Variants in EVI5 observed in about 807,000 individuals in gnomAD.
EVI5 encodes the protein ecotropic viral integration site 5, also known as ecotropic viral integration site 5 protein homolog.
A neutral mutation model predicts 112.0 loss-of-function variants in EVI5; 73 were observed. The observed-to-expected ratio is 0.65, with a 90% CI of 0.54 to 0.79. The LOEUF is 0.79. Ranked by LOEUF, EVI5 falls within the 30% of genes least tolerant of loss-of-function variation. The pLI is 0.00. For missense variants in EVI5, 900 were observed against 968.8 expected, an observed-to-expected ratio of 0.93 and a Z score of 0.94; for synonymous variants, 305 against 319.9, an observed-to-expected ratio of 0.95 and a Z score of 0.50.
intron 1 of EVI5, among the ~76,000 whole-genome samples, chr1:92,759,633 C>T (rs1453211597): frequency 6.6e-6 from 1 of 152,156 alleles, no homozygotes; most frequent in Non-Finnish European, 1.5e-5. Context: ...TCTTGCATCC[C>T]TGGGTAAACT....
chr1:92,646,880 A>G (rs1268630032), intron 13 of EVI5, among the ~76,000 whole-genome samples: 1 of 152,186 alleles, frequency 6.6e-6, no homozygotes, highest in Non-Finnish European at 1.5e-5. Flanking sequence ...TAAACCACTG[A>G]CAATTTTTAG....
chr1:92,575,264 C>A (rs1571636942), intron 18 of EVI5, among the ~76,000 whole-genome samples: 1 of 152,184 alleles, frequency 6.6e-6, no homozygotes, highest in African/African-American at 2.4e-5. Context: ...TGTGTGCACA[C>A]ACACAGATTT....
upstream of EVI5, among the ~76,000 whole-genome samples, chr1:92,786,238 A>AGG (rs1685628707): frequency 2.2e-5 from 3 of 138,222 alleles, no homozygotes; most frequent in South Asian, 2.3e-4. Flanking sequence ...CATTTCAGAA[A>AGG]AAAAAAAAAA....
In EVI5 at chr1:92,773,268, G is replaced by T. The variant is rs563846944; in HGVS notation, c.-82+11568C>A. Reference sequence around the variant, plus strand: ...AAATAGGAGATAGGACAAATAAACTGTATTATATTCATACAATGTATTAAT... The same window carrying T: ...AAATAGGAGATAGGACAAATAAACTTTATTATATTCATACAATGTATTAAT... On this transcript the variant is annotated intron_variant, in intron 1 of 19. Coordinates refer to ENST00000684568, the MANE Select transcript of EVI5 (RefSeq NM_001350197.2). Among the ~76,000 whole-genome samples the T allele has an allele frequency of 6.7e-4, 101 of 151,466 alleles. 1 individual carries two copies. Among genetic ancestry groups the T allele is most frequent in the Non-Finnish European group, 1.1e-3 (75 of 67,916 alleles).
intron 1 of EVI5, among the ~76,000 whole-genome samples, chr1:92,751,712 G>A (rs940777439): frequency 6.7e-6 from 1 of 149,860 alleles, no homozygotes; most frequent in Non-Finnish European, 1.5e-5. Context: ...TAAACTCTTA[G>A]ATTACAAATA....
At chr1:92,589,382 C>A (rs866167007) in intron 18 of EVI5, among the ~76,000 whole-genome samples, 4 of 152,128 alleles carry the variant, frequency 2.6e-5, no homozygotes, top group Non-Finnish European at 5.9e-5. Flanking sequence ...AAAGGGGTGA[C>A]AGATGGCACG....
At chr1:92,566,399 G>A (rs1433072824) in intron 18 of EVI5, among the ~76,000 whole-genome samples, 1 of 152,148 alleles carries the variant, frequency 6.6e-6, no homozygotes, top group Non-Finnish European at 1.5e-5. Flanking sequence ...CATTGTAGTT[G>A]TACAATGTCA....
intron 18 of EVI5, among the ~76,000 whole-genome samples, chr1:92,567,754 A>G (rs765502594): frequency 6.6e-6 from 1 of 152,228 alleles, no homozygotes; most frequent in African/African-American, 2.4e-5. Flanking sequence ...ATATTTACAC[A>G]TACTAATATC....
Position 92,657,056 on chromosome 1 carries a change from C to T in EVI5, c.1392+5663G>A, listed in dbSNP as rs1333043077. Among the ~76,000 whole-genome samples, 18 of 152,042 alleles carry T rather than the reference C, an allele frequency of 1.2e-4. No homozygotes were observed. The East Asian group carries it at 3.3e-3, about 28-fold the overall frequency. ...CTATGAAGCCGGCATCACCGTGATA[C>T]CAGGGAAGGACCCACAAAAATAACA... On this transcript the variant is annotated intron_variant, in intron 13 of 19. Coordinates refer to ENST00000684568, the MANE Select transcript of EVI5 (RefSeq NM_001350197.2).
chr1:92,638,693 C>T (rs556591511), intron 13 of EVI5, among the ~76,000 whole-genome samples: 3 of 152,212 alleles, frequency 2.0e-5, no homozygotes, highest in African/African-American at 4.8e-5. Flanking sequence ...CTCCTTTAAC[C>T]TTCACCACAA....
chr1:92,609,148 C>T (rs551761251), intron 16 of EVI5, among the ~76,000 whole-genome samples: 1 of 152,258 alleles, frequency 6.6e-6, no homozygotes, highest in East Asian at 1.9e-4. Context: ...CTATCAGAGG[C>T]CTGAAAGAAA....
At chr1:92,749,256 G>T in intron 1 of EVI5, 1 of 338,202 alleles carries the variant, frequency 3.0e-6, no homozygotes, top group Non-Finnish European at 5.9e-6. Flanking sequence ...TTTTACCACT[G>T]GTGCATCTGC....
intron 5 of EVI5, among the ~76,000 whole-genome samples, chr1:92,701,251 T>A (rs531744516): frequency 6.6e-6 from 1 of 152,324 alleles, no homozygotes; most frequent in East Asian, 1.9e-4. Context: ...TCTACCAGGA[T>A]GTGTGATCTT....
chr1:92,660,845 ATTTGT>A (rs1663874233), intron 13 of EVI5, among the ~76,000 whole-genome samples: 1 of 151,998 alleles, frequency 6.6e-6, no homozygotes. Flanking sequence ...TAGAAATATT[ATTTGT>A]TTTGATTGTG....
At chr1:92,704,246 C>T (rs147569010) in intron 3 of EVI5, among the ~76,000 whole-genome samples, 1 of 152,092 alleles carries the variant, frequency 6.6e-6, no homozygotes, top group Non-Finnish European at 1.5e-5. Flanking sequence ...CCCAGAAATT[C>T]GAGGTTATAG....
At chr1:92,606,786 A>G (rs1056616837) in intron 17 of EVI5, among the ~76,000 whole-genome samples, 3 of 151,812 alleles carry the variant, frequency 2.0e-5, no homozygotes, top group East Asian at 1.9e-4. Flanking sequence ...CTACTATCTC[A>G]CCATGGAAAG....
chr1:92,760,447 A>C (rs1418104161), intron 1 of EVI5, among the ~76,000 whole-genome samples: 3 of 152,190 alleles, frequency 2.0e-5, no homozygotes, highest in African/African-American at 7.2e-5. Flanking sequence ...GTTGGCTAAA[A>C]GAAGCGGGGC....
At chr1:92,685,388 G>A (rs577927380) in intron 9 of EVI5, among the ~76,000 whole-genome samples, 1 of 152,262 alleles carries the variant, frequency 6.6e-6, no homozygotes, top group South Asian at 2.1e-4. Flanking sequence ...GAATCTCTGG[G>A]ACACATTTAA....
intron 1 of EVI5, among the ~76,000 whole-genome samples, chr1:92,746,057 C>T (rs1005828221): frequency 9.9e-5 from 15 of 152,170 alleles, no homozygotes; most frequent in African/African-American, 2.9e-4. Flanking sequence ...GAGTCTCAAT[C>T]AATCACAGCA....
Sources: allele counts gnomAD v4.1 joint callset (sites outside exome capture counted in the v4.1 genomes callset), GRCh38; gene constraint gnomAD v4.1.1; transcripts MANE v1.5; gene names NCBI Gene and HGNC (gene_info 2026-07-23, HGNC 2026-07-21).